Variants in DIAPH3 observed in about 807,000 individuals in gnomAD.
DIAPH3 encodes the protein protein diaphanous homolog 3.
DIAPH3 carries 117 observed loss-of-function variants against 144.3 expected under a neutral mutation model. That is an observed-to-expected ratio of 0.81 (90% CI 0.70 to 0.95). DIAPH3 has a LOEUF of 0.95. DIAPH3 is among the 40% of genes least tolerant of loss of function. The pLI is 0.00. For missense variants in DIAPH3, 1,421 were observed against 1,412.7 expected (o/e 1.01, Z -0.09); for synonymous variants, 519 against 488.9 (o/e 1.06, Z -0.81).
At chr13:59,794,795 T>G (rs751712077) in intron 25 of DIAPH3, among the ~76,000 whole-genome samples, 8 of 152,276 alleles carry the variant, frequency 5.3e-5, no homozygotes, top group Admixed American at 2.6e-4. Flanking sequence ...AGGAACCAGC[T>G]ACCATGCCCA....
At chr13:60,140,170 G>C (rs193226533) in intron 1 of DIAPH3, among the ~76,000 whole-genome samples, 41 of 152,270 alleles carry the variant, frequency 2.7e-4, no homozygotes, top group African/African-American at 8.9e-4. Context: ...ATGTTCCTGA[G>C]ACTGACAGAG....
At chr13:59,751,648 G>A (rs983865526) in intron 27 of DIAPH3, among the ~76,000 whole-genome samples, 2 of 152,176 alleles carry the variant, frequency 1.3e-5, no homozygotes, top group African/African-American at 4.8e-5. Flanking sequence ...GAAAGAAGGT[G>A]TAACCATATC....
At chr13:59,774,676 T>C (rs1262446471) in intron 26 of DIAPH3, 52 bp downstream of exon 26, 4 of 1,531,820 alleles carry the variant, frequency 2.6e-6, no homozygotes, top group Admixed American at 1.7e-5. Flanking sequence ...AACAGGATTC[T>C]TTCTCTGTGA....
At chr13:59,721,560 T>C (rs1296845592) in intron 27 of DIAPH3, among the ~76,000 whole-genome samples, 7 of 152,184 alleles carry the variant, frequency 4.6e-5, no homozygotes, top group African/African-American at 1.7e-4. Flanking sequence ...AGTTTCTCTA[T>C]GTTCTAAATC....
intron 17 of DIAPH3, among the ~76,000 whole-genome samples, chr13:59,945,995 G>A (rs1310823100): frequency 6.6e-6 from 1 of 152,204 alleles, no homozygotes; most frequent in Non-Finnish European, 1.5e-5. Flanking sequence ...TAAGTAGGCA[G>A]TGAGTTACAG....
intron 27 of DIAPH3, among the ~76,000 whole-genome samples, chr13:59,750,973 T>C (rs1259296372): frequency 6.6e-6 from 1 of 152,224 alleles, no homozygotes; most frequent in Non-Finnish European, 1.5e-5. Flanking sequence ...GCCCACATAG[T>C]GGCACTGTCA....
intron 4 of DIAPH3, among the ~76,000 whole-genome samples, chr13:60,068,839 T>C (rs2057082094): frequency 6.6e-6 from 1 of 152,194 alleles, no homozygotes; most frequent in Admixed American, 6.5e-5. Context: ...TTTATGCCTG[T>C]GTAGTATTCC....
At chr13:59,966,747 G>A (rs1263156036) in intron 17 of DIAPH3, among the ~76,000 whole-genome samples, 2 of 152,156 alleles carry the variant, frequency 1.3e-5, no homozygotes, top group Non-Finnish European at 2.9e-5. Flanking sequence ...AAGCACAAAG[G>A]ATTGGCATCT....
chr13:59,787,209 T>A (rs2039078988), intron 25 of DIAPH3, among the ~76,000 whole-genome samples: 1 of 152,140 alleles, frequency 6.6e-6, no homozygotes, highest in Admixed American at 6.5e-5. Context: ...AGTAGAAGAT[T>A]AAAAAAATGT....
chr13:60,063,976 T>C (rs1051726285), intron 4 of DIAPH3, among the ~76,000 whole-genome samples: 9 of 152,204 alleles, frequency 5.9e-5, no homozygotes, highest in Non-Finnish European at 1.2e-4. Context: ...TCAGAACTCT[T>C]GGATGACTAA....
At chr13:59,888,703 A>G (rs760707305) in intron 20 of DIAPH3, among the ~76,000 whole-genome samples, 4 of 152,000 alleles carry the variant, frequency 2.6e-5, no homozygotes, top group Non-Finnish European at 5.9e-5. Context: ...TGTAGATCTG[A>G]GTTTCCATCT....
At chr13:59,717,476 C>T (rs2035119784) in intron 27 of DIAPH3, among the ~76,000 whole-genome samples, 1 of 151,638 alleles carries the variant, frequency 6.6e-6, no homozygotes, top group Non-Finnish European at 1.5e-5. Context: ...TGCCACCCAA[C>T]AGCCCACTCT....
chr13:59,898,865 G>C (rs1703168356), intron 20 of DIAPH3, among the ~76,000 whole-genome samples: 1 of 152,154 alleles, frequency 6.6e-6, no homozygotes, highest in Admixed American at 6.5e-5. Context: ...GTTGCCAAAG[G>C]AGAAGATTAA....
At chr13:59,711,097 T>C (rs949885421) in intron 27 of DIAPH3, among the ~76,000 whole-genome samples, 2 of 152,170 alleles carry the variant, frequency 1.3e-5, no homozygotes, top group African/African-American at 4.8e-5. Flanking sequence ...ATGAAATAGT[T>C]AGATAATTGT....
At chr13:59,805,915 G>A (rs974954500) in intron 25 of DIAPH3, among the ~76,000 whole-genome samples, 7 of 151,972 alleles carry the variant, frequency 4.6e-5, no homozygotes, top group East Asian at 1.9e-4. Context: ...ATAGTTGCCT[G>A]TTCTCTTGCT....
At chr13:59,924,941 T>A in intron 17 of DIAPH3, 71 bp from the exon 18 acceptor site, 2 of 1,528,764 alleles carry the variant, frequency 1.3e-6, no homozygotes, top group Non-Finnish European at 1.8e-6. Context: ...AAAGTGAACT[T>A]TTTATCATTA....
chr13:59,993,707 A>AAAAAAAAAAAAAAC (rs1189848358), intron 9 of DIAPH3, among the ~76,000 whole-genome samples: 1 of 148,168 alleles, frequency 6.7e-6, no homozygotes, highest in Non-Finnish European at 1.5e-5. Context: ...ATACTTAAAA[A>AAAAAAAAAAAAAAC]AAAAAAAAAA....
Position 59,839,459 on chromosome 13 carries a change from G to A in DIAPH3, c.2738-11C>T. The A allele has an allele frequency of 6.2e-7, 1 of 1,611,578 alleles. No individual in the cohort carries two copies. Among genetic ancestry groups the A allele is most frequent in the Non-Finnish European group, 8.5e-7 (1 of 1,178,812 alleles). The stretch of plus-strand genomic sequence containing the variant: ...GCGTTTCTACAGAGACTAAAAGAGA[G>A]TATATTAAATGCCCGGAAAGGACAA... On this transcript the variant is annotated splice_polypyrimidine_tract_variant and intron_variant, in intron 22 of 27. Coordinates refer to ENST00000400324, the MANE Select transcript of DIAPH3 (RefSeq NM_001042517.2).
chr13:60,003,853 T>C (rs887148322), intron 9 of DIAPH3, among the ~76,000 whole-genome samples: 1 of 152,152 alleles, frequency 6.6e-6, no homozygotes, highest in Non-Finnish European at 1.5e-5. Flanking sequence ...GTGCTGGGAT[T>C]ACAGACGTGG....
Sources: allele counts gnomAD v4.1 joint callset (sites outside exome capture counted in the v4.1 genomes callset), GRCh38; gene constraint gnomAD v4.1.1; transcripts MANE v1.5; gene names NCBI Gene and HGNC (gene_info 2026-07-23, HGNC 2026-07-21).